MYO1A: variants seen among roughly 807,000 people sequenced by gnomAD.
The protein encoded by MYO1A is unconventional myosin-Ia.
MYO1A carries 127 observed loss-of-function variants against 138.5 expected under a neutral mutation model. The observed-to-expected ratio is 0.92, with a 90% CI of 0.79 to 1.06. The LOEUF (loss-of-function observed/expected upper bound fraction) is 1.06. Among genes scored for constraint, MYO1A ranks in the 50% least tolerant of loss-of-function variants. The pLI is 0.00. For synonymous variants in MYO1A, 477 were observed against 497.5 expected (o/e 0.96, Z 0.55); for missense variants, 1,211 against 1,288.8 (o/e 0.94, Z 0.92).
Position 57,046,896 on chromosome 12 carries a change from T to C in MYO1A, c.508A>G (p.Lys170Glu). 1 of 1,614,152 alleles carries C rather than the reference T, an allele frequency of 6.2e-7. No homozygotes were observed. Among genetic ancestry groups the C allele is most frequent in the Non-Finnish European group, 8.5e-7 (1 of 1,180,022 alleles). Residue 170 changes from lysine to glutamate, a missense_variant, in exon 7 of 28, where the codon AAG becomes GAG. Lys to Glu is a moderately conservative substitution (Grantham distance 56). Coordinates refer to ENST00000300119, the MANE Select transcript of MYO1A (RefSeq NM_005379.4). Reference protein sequence around the residue: ...GKYMDIEFDFKGSPLGGVITN... With the variant: ...GKYMDIEFDFEGSPLGGVITN... ...ATGACACCACCGAGGGGGGATCCCT[T>C]GAAGTCAAATTCAATATCCATGTAT...
At chr12:57,036,269 C>G in intron 22 of MYO1A, 38 bp downstream of exon 22, 1 of 1,599,092 alleles carries the variant, frequency 6.3e-7, no homozygotes, top group Non-Finnish European at 8.6e-7. Context: ...TGCCTCCCTG[C>G]TCCATCCCTA....
At chr12:57,037,795 C>T (rs1320828386) in intron 18 of MYO1A, 74 bp downstream of exon 18, 2 of 1,547,954 alleles carry the variant, frequency 1.3e-6, no homozygotes. Context: ...TGCACTGCAC[C>T]TCCAGGTCTC....
rs771181433 is a variant in MYO1A, at chr12:57,044,105, C to T, written c.744+1G>A. 2 of 1,614,218 alleles carry T rather than the reference C, an allele frequency of 1.2e-6. No homozygotes were observed. The highest frequency in any genetic ancestry group is 1.3e-5 in the African/African-American group (1 of 75,054). On this transcript the variant is annotated splice_donor_variant, in intron 9 of 27. Transcript: ENST00000300119. LOFTEE classifies it high-confidence loss of function. ...AAGCCTGCCTCACCCTGGGCACCCACCTGTACAGCCCTGAAGCTGGAGGCG... is the reference window on the plus strand; with the variant it reads ...AAGCCTGCCTCACCCTGGGCACCCATCTGTACAGCCCTGAAGCTGGAGGCG...
chr12:57,041,412 C>T lies in MYO1A; in HGVS notation c.1164+20G>A, dbSNP rs1175370256. On this transcript the variant is annotated intron_variant, in intron 13 of 27. Transcript: ENST00000300119. ...CCTCTAATCCTAGGGGAGCAGGGTG[C>T]TGAGGTGAGGCACTCTCACCTCTAA... The T allele has an allele frequency of 2.5e-6, 4 of 1,606,608 alleles. No individual in the cohort carries two copies. Among genetic ancestry groups the T allele is most frequent in the African/African-American group, 1.3e-5 (1 of 74,744 alleles).
rs2031096116 is a variant in MYO1A at position 57,046,537 on chromosome 12, C to T, written c.640+15G>A. ...GTGTCACTCATGAGGACACTTTCCC[C>T]ATGCAGGCACATACTCAGCAGCTGT... is the stretch of plus-strand genomic sequence containing the variant. On this transcript the variant is annotated intron_variant, in intron 8 of 27. Transcript: ENST00000300119. 1 of 1,605,614 alleles carries T rather than the reference C, an allele frequency of 6.2e-7. No individual in the cohort carries two copies. The highest frequency in any genetic ancestry group is 2.2e-5 in the East Asian group (1 of 44,844).
At position 57,029,205 on chromosome 12, in the gene MYO1A, C is replaced by A. The variant is rs1258776406; in HGVS notation, c.2932G>T (p.Glu978Ter). The A allele has an allele frequency of 6.2e-7, 1 of 1,614,154 alleles. No homozygotes were observed. Among genetic ancestry groups the A allele is most frequent in the East Asian group, 2.2e-5 (1 of 44,878 alleles). Residue 978 changes from glutamate (E) to a stop codon, truncating the protein, a stop_gained, in exon 27 of 28, where the codon GAA (glutamate) becomes TAA (stop). Transcript: ENST00000300119. LOFTEE classifies it high-confidence loss of function. ...DFLLVSEHVIELLTKMYRAVL... is the reference protein window; with the variant it reads ...DFLLVSEHVI ...GCCCGGTACATTTTGGTCAGCAGTT[C>A]AATCACATGCTCGCTGACCAGCAGG...
At chr12:57,032,052 G>A (rs865869256) in intron 22 of MYO1A, among the ~76,000 whole-genome samples, 2 of 152,334 alleles carry the variant, frequency 1.3e-5, no homozygotes, top group Non-Finnish European at 1.5e-5. Flanking sequence ...ATCACTGTGT[G>A]CCTTAGCTCT....
intron 27 of MYO1A, 104 bp from the exon 28 acceptor site, chr12:57,028,985 C>A: frequency 1.3e-6 from 2 of 1,594,052 alleles, no homozygotes; most frequent in East Asian, 2.3e-5. Flanking sequence ...ACTTGAGGCC[C>A]CAGAGAACCT....
chr12:57,048,267 C>CA lies in MYO1A; in HGVS notation c.56dup (p.Leu19PhefsTer15). The CA allele has an allele frequency of 6.2e-7, 1 of 1,614,198 alleles. No homozygotes were observed. Among genetic ancestry groups the CA allele is most frequent in the Non-Finnish European group, 8.5e-7 (1 of 1,180,030 alleles). On this transcript the variant is annotated frameshift_variant, in exon 2 of 28. Transcript: ENST00000300119. LOFTEE classifies it high-confidence loss of function. The stretch of plus-strand genomic sequence containing the variant: ...GATTCTTGAGCAGTGACTCCTCCAC[C>CA]AAGGGTTCCAGGAGGACAAGATCCT...
In MYO1A at chr12:57,029,117, A is replaced by C; in HGVS notation, c.3005+15T>G. The stretch of plus-strand genomic sequence containing the variant: ...CTACCGTAAGCCGCCCCTCACCCCC[A>C]GTTCATGGCCTCACTTCTCAGTCAC... On this transcript the variant is annotated intron_variant, in intron 27 of 27. Transcript: ENST00000300119. The C allele has an allele frequency of 1.2e-6, 2 of 1,613,790 alleles. No individual in the cohort carries two copies. The highest frequency in any genetic ancestry group is 2.2e-5 in the South Asian group (2 of 91,036).
intron 14 of MYO1A, 72 bp downstream of exon 14, chr12:57,041,112 C>T: frequency 8.7e-7 from 1 of 1,150,520 alleles, no homozygotes; most frequent in Non-Finnish European, 1.3e-6. Context: ...AAATTGTGAT[C>T]AAGGAGAAAG....
rs751917182 is a variant in MYO1A, at chr12:57,039,021, G to T, written c.1333-12C>A. The T allele has an allele frequency of 6.8e-6, 11 of 1,610,812 alleles. No homozygotes were observed. The highest frequency in any genetic ancestry group is 2.2e-5 in the South Asian group (2 of 90,660). ...ATACCTCGCTGATTCTGGGCCGGGG[G>T]AACAAAAGAAGCCCAACCTAAATCT... On this transcript the variant is annotated splice_polypyrimidine_tract_variant and intron_variant, in intron 15 of 27. Coordinates refer to ENST00000300119, the MANE Select transcript of MYO1A (RefSeq NM_005379.4).
At chr12:57,040,568 C>G (rs759262181) in intron 14 of MYO1A, among the ~76,000 whole-genome samples, 6 of 152,172 alleles carry the variant, frequency 3.9e-5, no homozygotes, top group Non-Finnish European at 7.4e-5. Flanking sequence ...ACTAAAAAAA[C>G]TTTTTCACAC....
At chr12:57,046,003 T>G (rs1465549367) in intron 8 of MYO1A, among the ~76,000 whole-genome samples, 1 of 152,212 alleles carries the variant, frequency 6.6e-6, no homozygotes, top group Non-Finnish European at 1.5e-5. Flanking sequence ...GAGGCTAGCA[T>G]AATATTTGAT....
chr12:57,039,419 T>C, intron 14 of MYO1A, 145 bp from the exon 15 acceptor site: 1 of 714,600 alleles, frequency 1.4e-6, no homozygotes, highest in Non-Finnish European at 2.6e-6. Context: ...TTTCTATTTA[T>C]GTCCCCATCC....
rs1565648622 is a variant in MYO1A at position 57,047,725 on chromosome 12, G to A, written c.231-4C>T. 1 of 1,614,168 alleles carries A rather than the reference G, an allele frequency of 6.2e-7. No homozygotes were observed. The highest frequency in any genetic ancestry group is 2.2e-5 in the East Asian group (1 of 44,870). On this transcript the variant is annotated splice_polypyrimidine_tract_variant and splice_region_variant and intron_variant, in intron 3 of 27. Transcript: ENST00000300119. ...CGCCACATTTGCCAATGCGTAGCTTGTGGGGAGGAAGTGGGCAATGACTAT... is the reference window on the plus strand; with the variant it reads ...CGCCACATTTGCCAATGCGTAGCTTATGGGGAGGAAGTGGGCAATGACTAT...
chr12:57,048,415 G>A (rs1183346362), intron 1 of MYO1A, 72 bp from the exon 2 acceptor site: 10 of 914,940 alleles, frequency 1.1e-5, no homozygotes, highest in African/African-American at 3.3e-5. Context: ...AGGGGAGGAT[G>A]GCAGAAGGAC....
chr12:57,039,936 A>G (rs3858539), intron 14 of MYO1A, among the ~76,000 whole-genome samples: 4,773 of 152,282 alleles, frequency 0.031, 94 homozygotes, highest in Middle Eastern at 0.078. Flanking sequence ...TTGAGACTAT[A>G]TAATGTTTTG....
In MYO1A at chr12:57,046,616, G is replaced by A. The variant is rs759076850; in HGVS notation, c.576C>T (p.Leu192=). The A allele has an allele frequency of 6.2e-7, 1 of 1,614,080 alleles. No homozygotes were observed. The highest frequency in any genetic ancestry group is 1.7e-5 in the Admixed American group (1 of 60,022). ...LLEKSRLVKQ[L]KGERNFHIFY... ...AGATGTGGAAGTTCCTTTCTCCTTT[G>A]AGCTGCTTCACTAATCGGGATTTCT... is the stretch of plus-strand genomic sequence containing the variant. The change falls in exon 8 of 28, where the codon CTC becomes CTT. Residue 192 remains leucine (L), a synonymous_variant. Transcript: ENST00000300119.
Sources: gnomAD v4.1 joint callset for allele counts (sites outside exome capture counted in the v4.1 genomes callset) on GRCh38, gnomAD v4.1.1 for gene constraint, MANE v1.5 for transcripts, NCBI Gene and HGNC (gene_info 2026-07-23, HGNC 2026-07-21) for gene names.